HELLS: variants seen among roughly 807,000 people sequenced by gnomAD.
The protein encoded by HELLS is lymphoid-specific helicase.
HELLS carries 32 observed loss-of-function variants against 120.0 expected under a neutral mutation model. The observed-to-expected ratio is 0.27, with a 90% CI of 0.20 to 0.36. The LOEUF is 0.36. HELLS is among the 10% of genes least tolerant of loss of function. The pLI is 1.00. For missense variants in HELLS, 650 were observed against 993.4 expected (o/e 0.65, Z 4.65); for synonymous variants, 341 against 323.4 (o/e 1.05, Z -0.58).
At chr10:94,572,961 CT>C (rs1301087208) in intron 7 of HELLS, among the ~76,000 whole-genome samples, 4 of 151,280 alleles carry the variant, frequency 2.6e-5, no homozygotes, top group Non-Finnish European at 5.9e-5. Context: ...TGTTTTCTTT[CT>C]TTTTTTTTCT....
At chr10:94,568,199 C>T (rs1241926558) in intron 6 of HELLS, among the ~76,000 whole-genome samples, 4 of 148,638 alleles carry the variant, frequency 2.7e-5, no homozygotes, top group Admixed American at 1.3e-4. Context: ...TGAGCCACCG[C>T]GCCTGGCCCT....
intron 6 of HELLS, among the ~76,000 whole-genome samples, chr10:94,565,059 G>A (rs546658517): frequency 5.3e-5 from 8 of 152,290 alleles, no homozygotes; most frequent in Non-Finnish European, 7.4e-5. Context: ...TCAGGGGGCC[G>A]GGAGCAGTGG....
chr10:94,584,832 A>ATAGGGG (rs1845043076), intron 12 of HELLS, among the ~76,000 whole-genome samples: 1 of 152,132 alleles, frequency 6.6e-6, no homozygotes. Context: ...TCCAAATTCA[A>ATAGGGG]CAGTTTTATC....
chr10:94,587,784 A>G (rs1265638958), intron 12 of HELLS, among the ~76,000 whole-genome samples: 1 of 152,142 alleles, frequency 6.6e-6, no homozygotes, highest in African/African-American at 2.4e-5. Flanking sequence ...TATTGACTGT[A>G]GTCACCCTGT....
chr10:94,565,074 C>A (rs566460582), intron 6 of HELLS, among the ~76,000 whole-genome samples: 136 of 152,310 alleles, frequency 8.9e-4, no homozygotes, highest in African/African-American at 2.6e-3. Context: ...CAGTGGCTCA[C>A]GCCTGTAATC....
At chr10:94,593,380 G>A in intron 17 of HELLS, 119 bp from the exon 18 acceptor site, 1 of 627,942 alleles carries the variant, frequency 1.6e-6, no homozygotes, top group South Asian at 2.0e-5. Context: ...AGATCTGAAT[G>A]ATTTGTTTGG....
At chr10:94,575,765 TTGTGTTTGTGTGTGTG>T (rs1844427665) in intron 9 of HELLS, among the ~76,000 whole-genome samples, 5 of 38,702 alleles carry the variant, frequency 1.3e-4, no homozygotes, top group Admixed American at 2.7e-4. Flanking sequence ...GGGGGGGGGG[TTGTGTTTGTGTGTGTG>T]TGTGTGTGTG....
chr10:94,582,901 A>C (rs1844946383), intron 11 of HELLS, 62 bp from the exon 12 acceptor site: 1 of 868,442 alleles, frequency 1.2e-6, no homozygotes, highest in African/African-American at 1.7e-5. Context: ...ATGATAAATC[A>C]TGTATCATGT....
At chr10:94,571,579 A>G in intron 7 of HELLS, 150 bp downstream of exon 7, 1 of 565,172 alleles carries the variant, frequency 1.8e-6, no homozygotes, top group Non-Finnish European at 2.9e-6. Flanking sequence ...CACTTCTTCC[A>G]TATCCAACAT....
At chr10:94,606,498 T>C (rs1846131013), downstream of HELLS, among the ~76,000 whole-genome samples, 1 of 151,314 alleles carries the variant, frequency 6.6e-6, no homozygotes, top group Non-Finnish European at 1.5e-5. Context: ...TGTGACACTA[T>C]GCCCAGATAA....
chr10:94,547,481 G>C (rs188949422), intron 2 of HELLS, among the ~76,000 whole-genome samples: 65 of 152,208 alleles, frequency 4.3e-4, no homozygotes, highest in African/African-American at 1.5e-3. Context: ...GAGGCCGTTG[G>C]TTCCCTGTTA....
intron 13 of HELLS, among the ~76,000 whole-genome samples, chr10:94,590,131 G>C (rs1845408012): frequency 6.6e-6 from 1 of 152,100 alleles, no homozygotes; most frequent in Admixed American, 6.6e-5. Context: ...CCTCTGTACT[G>C]CAAATTTCCG....
chr10:94,610,283 A>G (rs1243834111), exon 10 of HELLS: 1 of 152,144 alleles, frequency 6.6e-6, no homozygotes, highest in Non-Finnish European at 1.5e-5. Flanking sequence ...TAAAAAAAAT[A>G]CTGTTTCCTA....
At chr10:94,570,021 G>C (rs1387277473) in intron 6 of HELLS, 1 of 151,210 alleles carries the variant, frequency 6.6e-6, no homozygotes, top group African/African-American at 2.4e-5. Context: ...TGTGATTAAG[G>C]TGTTTTTTTA....
chr10:94,564,835 TC>T (rs1352235876), intron 6 of HELLS, among the ~76,000 whole-genome samples: 2 of 152,050 alleles, frequency 1.3e-5, no homozygotes, highest in Non-Finnish European at 2.9e-5. Flanking sequence ...CCTCAGGTGA[TC>T]CTCACGCCTT....
chr10:94,609,257 AG>A (rs1846164356), intron 9 of HELLS, among the ~76,000 whole-genome samples: 1 of 152,028 alleles, frequency 6.6e-6, no homozygotes, highest in South Asian at 2.1e-4. Flanking sequence ...TCCTGACCTC[AG>A]GTGATCCACC....
chr10:94,597,979 A>G (rs988660047), intron 21 of HELLS, among the ~76,000 whole-genome samples: 2 of 151,194 alleles, frequency 1.3e-5, no homozygotes, highest in Non-Finnish European at 2.9e-5. Flanking sequence ...TCCCTGAGAT[A>G]GAAGAGAGCC....
chr10:94,568,278 G>A lies in HELLS; in HGVS notation c.436-3110G>A, dbSNP rs111401070. On this transcript the variant is annotated intron_variant, in intron 6 of 21. Coordinates refer to ENST00000348459, the MANE Select transcript of HELLS (RefSeq NM_018063.5). ...ACATTATGCAGTTGAGCAGTTTTAC[G>A]CCTACCAGTTGAATTTATTGGTATC... Among the ~76,000 whole-genome samples the A allele has an allele frequency of 4.0e-3, 604 of 150,238 alleles. 6 individuals carry two copies. Among genetic ancestry groups the A allele is most frequent in the African/African-American group, 0.014 (580 of 40,870 alleles).
chr10:94,567,734 T>A (rs1843894310), intron 6 of HELLS, among the ~76,000 whole-genome samples: 1 of 152,054 alleles, frequency 6.6e-6, no homozygotes, highest in African/African-American at 2.4e-5. Context: ...GGCGAAATCC[T>A]GTCTCTACAA....
Sources: gnomAD v4.1 joint callset for allele counts (sites outside exome capture counted in the v4.1 genomes callset) on GRCh38, gnomAD v4.1.1 for gene constraint, MANE v1.5 for transcripts, NCBI Gene and HGNC (gene_info 2026-07-23, HGNC 2026-07-21) for gene names.